Variants in KIF20B observed in about 807,000 individuals in gnomAD.
KIF20B encodes the protein kinesin-like protein KIF20B.
Under a neutral mutation model 232.5 loss-of-function variants are expected in KIF20B, and 188 were observed. The ratio of observed to expected loss-of-function variants is 0.81; its 90% CI spans 0.72 to 0.91. KIF20B has a LOEUF of 0.91. KIF20B is among the 40% of genes least tolerant of loss of function. KIF20B has a pLI of 0.00. For missense variants in KIF20B, 2,154 were observed against 2,055.9 expected (o/e 1.05, Z -0.92); for synonymous variants, 712 against 683.0 (o/e 1.04, Z -0.66).
chr10:89,753,156 T>G (rs1030106217), intron 25 of KIF20B, among the ~76,000 whole-genome samples: 19 of 152,236 alleles, frequency 1.2e-4, no homozygotes, highest in African/African-American at 4.6e-4. Flanking sequence ...TGTGTGTGTG[T>G]GTTTTTTTCT....
chr10:89,772,804 A>T lies in KIF20B; in HGVS notation c.5358A>T (p.Ser1786=). Residue 1786 remains serine, a synonymous_variant, in exon 32 of 33, where the codon TCA becomes TCT. Coordinates refer to ENST00000371728, the MANE Select transcript of KIF20B (RefSeq NM_001284259.2). ...AKRKLYTSEI[S]SPIDISGQVI... is the part of the protein sequence containing the mutation. The stretch of plus-strand genomic sequence containing the variant: ...GGAAATTATACACAAGTGAAATTTC[A>T]TCTCCTATTGATATATCAGGCCAAG... 1.2e-6 allele frequency: 2 copies of T among 1,610,804 alleles called. No individual in the cohort carries two copies. The highest frequency in any genetic ancestry group is 1.7e-6 in the Non-Finnish European group (2 of 1,178,148).
At chr10:89,715,863 C>A (rs1842924531) in intron 8 of KIF20B, among the ~76,000 whole-genome samples, 1 of 150,322 alleles carries the variant, frequency 6.7e-6, no homozygotes, top group Non-Finnish European at 1.5e-5. Context: ...TGATCGTATG[C>A]ATCTGTAGTC....
intron 7 of KIF20B, among the ~76,000 whole-genome samples, chr10:89,714,712 C>T (rs1446645249): frequency 6.6e-6 from 1 of 152,096 alleles, no homozygotes; most frequent in African/African-American, 2.4e-5. Context: ...TTGTCCTTTA[C>T]ATTTAATTTC....
At chr10:89,763,035 A>T (rs1222526908) in intron 29 of KIF20B, among the ~76,000 whole-genome samples, 200 bp downstream of exon 29, 1 of 152,166 alleles carries the variant, frequency 6.6e-6, no homozygotes, top group East Asian at 1.9e-4. Context: ...TAATCCCAGC[A>T]CTTTGGGAGG....
At chr10:89,757,720 G>A (rs191895033) in intron 26 of KIF20B, among the ~76,000 whole-genome samples, 6 of 150,598 alleles carry the variant, frequency 4.0e-5, no homozygotes, top group South Asian at 4.2e-4. Context: ...ACCAATTGAT[G>A]TGGAAATATT....
At position 89,745,852 on chromosome 10, in the gene KIF20B, T is replaced by C. The variant is rs1180877624; in HGVS notation, c.4036-47T>C. The C allele has an allele frequency of 2.4e-6, 3 of 1,245,652 alleles. No homozygotes were observed. In the Admixed American group the frequency reaches 5.2e-5, roughly 21 times the overall value. 77.2% of individuals were successfully genotyped at this position (1,245,652 alleles called of 1,614,324 possible). The stretch of plus-strand genomic sequence containing the variant: ...TTTCAAGATCCACTGTTAAATATTG[T>C]GTTTTTAAGTTAATTTGCAATTAAT... On this transcript the variant is annotated intron_variant, in intron 22 of 32. Transcript: ENST00000371728.
At chr10:89,769,880 G>C (rs1842432980) in intron 31 of KIF20B, among the ~76,000 whole-genome samples, 1 of 151,980 alleles carries the variant, frequency 6.6e-6, no homozygotes, top group Non-Finnish European at 1.5e-5. Context: ...TTAGAGACCA[G>C]AGTGAGGGGT....
At chr10:89,766,472 A>T (rs926703281) in intron 29 of KIF20B, 4 of 152,206 alleles carry the variant, frequency 2.6e-5, no homozygotes, top group African/African-American at 9.6e-5. Flanking sequence ...ACCAATACAG[A>T]GAAGTGCTTA....
intron 22 of KIF20B, among the ~76,000 whole-genome samples, chr10:89,744,574 A>G (rs1841871901): frequency 6.6e-6 from 1 of 152,222 alleles, no homozygotes; most frequent in Non-Finnish European, 1.5e-5. Context: ...TTTTGAAATA[A>G]AATGCAAAAA....
intron 9 of KIF20B, 105 bp from the exon 10 acceptor site, chr10:89,717,319 G>C (rs539999542): frequency 7.3e-6 from 5 of 682,122 alleles, no homozygotes; most frequent in Non-Finnish European, 1.0e-5. Flanking sequence ...ATGGTGGACT[G>C]TAGTTATACT....
Position 89,737,420 on chromosome 10 carries a change from A to T in KIF20B, c.2579A>T (p.Asp860Val). The change falls in exon 20 of 33, where the codon GAC (aspartate) becomes GTC (valine). Residue 860 changes from aspartate (D) to valine (V), a missense_variant. Transcript: ENST00000371728. ...SIHVSSAITE[D>V]QKKSEEVRPN... ...CATGTTAGTTCAGCTATCACTGAAGACCAAAAGAAAAGTGAAGAAGTGCGA... is the reference window on the plus strand; with the variant it reads ...CATGTTAGTTCAGCTATCACTGAAGTCCAAAAGAAAAGTGAAGAAGTGCGA... The T allele has an allele frequency of 6.3e-7, 1 of 1,590,358 alleles. No individual in the cohort carries two copies. The highest frequency in any genetic ancestry group is 8.5e-7 in the Non-Finnish European group (1 of 1,173,550).
chr10:89,748,469 C>G (rs1383705718), intron 23 of KIF20B, among the ~76,000 whole-genome samples: 1 of 152,224 alleles, frequency 6.6e-6, no homozygotes, highest in African/African-American at 2.4e-5. Flanking sequence ...CTTTACTAAT[C>G]CATGTTATTT....
At chr10:89,762,950 C>G (rs12767644) in intron 29 of KIF20B, 115 bp downstream of exon 29, 152,335 of 706,982 alleles carry the variant, frequency 0.22, 17,095 homozygotes, top group South Asian at 0.29. Context: ...TGTTAGAGAC[C>G]AAAATCACAA....
In KIF20B at chr10:89,725,124, C is replaced by G. The variant is rs145716217; in HGVS notation, c.1967C>G (p.Ala656Gly). ...AAATGTGACACTCGAGAAGAAGCAG[C>G]GAAAGACATTTGTGCCACAAAAGTT... ...VGKCDTREEA[A>G]KDICATKVET... The change falls in exon 15 of 33, where the codon GCG becomes GGG. Residue 656 changes from alanine (A) to glycine (G), a missense_variant. Ala to Gly is a moderately conservative substitution (Grantham distance 60). Coordinates refer to ENST00000371728, the MANE Select transcript of KIF20B (RefSeq NM_001284259.2). The G allele has an allele frequency of 6.2e-7, 1 of 1,613,578 alleles. No individual in the cohort carries two copies. Among genetic ancestry groups the G allele is most frequent in the South Asian group, 1.1e-5 (1 of 91,004 alleles).
chr10:89,747,182 T>C (rs915766571), intron 23 of KIF20B, among the ~76,000 whole-genome samples: 11 of 152,092 alleles, frequency 7.2e-5, no homozygotes, highest in African/African-American at 2.7e-4. Flanking sequence ...AAAACCACAA[T>C]GAGATATCAT....
In KIF20B at chr10:89,762,777, C is replaced by G. The variant is rs372743403; in HGVS notation, c.4931C>G (p.Thr1644Arg). The G allele has an allele frequency of 1.9e-6, 3 of 1,613,144 alleles. No homozygotes were observed. The highest frequency in any genetic ancestry group is 2.5e-6 in the Non-Finnish European group (3 of 1,179,490). Residue 1644 changes from threonine (T) to arginine (R), a missense_variant, in exon 29 of 33, where the codon ACA becomes AGA. Thr to Arg is a moderately conservative substitution (Grantham distance 71, BLOSUM62 -1). Coordinates refer to ENST00000371728, the MANE Select transcript of KIF20B (RefSeq NM_001284259.2). ...GCAGTGAAACACCCTGGTTGTACCA[C>G]ACCAGTGACAGTTAAGATTCCCAAG... is the stretch of plus-strand genomic sequence containing the variant. ...KMAVKHPGCT[T>R]PVTVKIPKAR...
chr10:89,727,913 T>G lies in KIF20B; in HGVS notation c.2271+17T>G, dbSNP rs778269200. On this transcript the variant is annotated intron_variant, in intron 17 of 32. Transcript: ENST00000371728. ...TCTAATAAGGTAATGCTTTAAGTTT[T>G]ATTTTGTCTTGATAAGGTATTTAAT... is the stretch of plus-strand genomic sequence containing the variant. The G allele has an allele frequency of 6.5e-7, 1 of 1,542,448 alleles. No homozygotes were observed. The highest frequency in any genetic ancestry group is 1.2e-5 in the South Asian group (1 of 85,552).
intron 21 of KIF20B, among the ~76,000 whole-genome samples, chr10:89,740,132 T>G (rs1841763729): frequency 6.6e-6 from 1 of 152,200 alleles, no homozygotes; most frequent in Non-Finnish European, 1.5e-5. Flanking sequence ...TGCATTCTTT[T>G]GATTGCTAAT....
At chr10:89,706,836 G>A (rs1206917485) in intron 2 of KIF20B, among the ~76,000 whole-genome samples, 2 of 152,034 alleles carry the variant, frequency 1.3e-5, no homozygotes, top group East Asian at 1.9e-4. Context: ...TTGAAATTAG[G>A]TAGTGTGAAT....
Sources: allele counts gnomAD v4.1 joint callset (sites outside exome capture counted in the v4.1 genomes callset), GRCh38; gene constraint gnomAD v4.1.1; transcripts MANE v1.5; gene names NCBI Gene and HGNC (gene_info 2026-07-23, HGNC 2026-07-21).